TSEN15: variants seen among roughly 807,000 people sequenced by gnomAD.
TSEN15 encodes the protein tRNA splicing endonuclease subunit 15, also known as tRNA-splicing endonuclease subunit Sen15.
TSEN15 carries 10 observed loss-of-function variants against 20.5 expected under a neutral mutation model. The ratio of observed to expected loss-of-function variants is 0.49; its 90% CI spans 0.30 to 0.83. The LOEUF is 0.83. TSEN15 is among the 40% of genes least tolerant of loss of function. TSEN15 has a pLI of 0.06. For missense variants in TSEN15, 180 were observed against 218.6 expected (o/e 0.82, Z 1.11); for synonymous variants, 72 against 80.1 (o/e 0.90, Z 0.54).
intron 3 of TSEN15, among the ~76,000 whole-genome samples, chr1:184,089,495 C>T (rs2102904395): frequency 6.6e-6 from 1 of 152,200 alleles, no homozygotes; most frequent in Middle Eastern, 3.4e-3. Context: ...GCATATTCCC[C>T]TGGCAGATTC....
chr1:184,059,133 C>CT (rs1468922354), intron 3 of TSEN15, among the ~76,000 whole-genome samples: 1 of 151,446 alleles, frequency 6.6e-6, no homozygotes, highest in Non-Finnish European at 1.5e-5. Flanking sequence ...ACTGCCTTCA[C>CT]TTATTTTGTA....
At chr1:184,095,353 T>A (rs568659625) in intron 3 of TSEN15, 4 of 386,384 alleles carry the variant, frequency 1.0e-5, no homozygotes, top group African/African-American at 6.2e-5. Context: ...ATGAGCTCTC[T>A]GTTTATTCAT....
chr1:184,076,198 C>G (rs1227420691), downstream of TSEN15, among the ~76,000 whole-genome samples: 3 of 151,992 alleles, frequency 2.0e-5, no homozygotes, highest in African/African-American at 7.2e-5. Flanking sequence ...TTGTCGATGC[C>G]ATTTTTCCAA....
At chr1:184,071,828 T>A (rs1650893997) in intron 3 of TSEN15, among the ~76,000 whole-genome samples, 1 of 152,002 alleles carries the variant, frequency 6.6e-6, no homozygotes, top group Admixed American at 6.6e-5. Flanking sequence ...AGGGCAGAGA[T>A]TGTCAGATTG....
chr1:184,051,962 C>A lies in TSEN15; in HGVS notation c.135+72C>A, dbSNP rs991669720. ...AGGCAGAACACTCCCAGGCAGCTCT[C>A]TTTCTTTCTTCCTCAGTGGGAGACT... On this transcript the variant is annotated intron_variant, in intron 1 of 4. Transcript: ENST00000645668. 1.4e-5 allele frequency: 19 copies of A among 1,326,778 alleles called. No homozygotes were observed. The Admixed American group carries it at 6.2e-4, about 43-fold the overall frequency. 82.2% of individuals were successfully genotyped at this position (1,326,778 alleles called of 1,614,324 possible).
At position 184,073,027 on chromosome 1, in the gene TSEN15, T is replaced by C; in HGVS notation, c.*180T>C. ...CCCAGGTAGAAGACTTTCTCCTTCT[T>C]AAAAAATATAGGGTGATTTCTTTAA... On this transcript the variant is annotated 3_prime_UTR_variant, in exon 5 of 5. Transcript: ENST00000645668. The C allele has an allele frequency of 1.7e-6, 1 of 593,764 alleles. No homozygotes were observed. Among genetic ancestry groups the C allele is most frequent in the South Asian group, 2.4e-5 (1 of 42,124 alleles). The allele number at this position is 593,764 out of a possible 1,614,324, so 36.8% of individuals were successfully genotyped here.
At chr1:184,092,456 T>A (rs1430585788) in intron 3 of TSEN15, among the ~76,000 whole-genome samples, 1 of 152,254 alleles carries the variant, frequency 6.6e-6, no homozygotes, top group Non-Finnish European at 1.5e-5. Flanking sequence ...GGAAGACAGT[T>A]AATGATTGAA....
intron 3 of TSEN15, among the ~76,000 whole-genome samples, chr1:184,066,157 A>G (rs1650648416): frequency 6.6e-6 from 1 of 152,070 alleles, no homozygotes; most frequent in African/African-American, 2.4e-5. Context: ...AATTTTTATG[A>G]AGGATATAAG....
intron 3 of TSEN15, among the ~76,000 whole-genome samples, chr1:184,058,927 T>C (rs546770904): frequency 6.6e-6 from 1 of 152,154 alleles, no homozygotes; most frequent in Non-Finnish European, 1.5e-5. Context: ...GTGACTCTTA[T>C]GTGTCAGGCA....
At chr1:184,087,700 G>A (rs377731070) in intron 3 of TSEN15, among the ~76,000 whole-genome samples, 2 of 152,196 alleles carry the variant, frequency 1.3e-5, no homozygotes, top group Non-Finnish European at 2.9e-5. Context: ...AGATAGAAAG[G>A]AGGTGGTTTG....
chr1:184,052,584 G>A (rs943637135), intron 1 of TSEN15, among the ~76,000 whole-genome samples: 4 of 151,934 alleles, frequency 2.6e-5, no homozygotes, highest in Non-Finnish European at 5.9e-5. Context: ...TAGTCTCTAC[G>A]GTACTTTAAC....
At position 184,072,577 on chromosome 1, in the gene TSEN15, A is replaced by T. The variant is rs910638610; in HGVS notation, c.496-250A>T. 1.8e-5 allele frequency: 10 copies of T among 564,464 alleles called. No homozygotes were observed. In the African/African-American group the frequency reaches 2.0e-4, roughly 11 times the overall value. 35.0% of individuals were successfully genotyped at this position (564,464 alleles called of 1,614,324 possible). ...TTATGAAGTCATCATGCATTTAATT[A>T]TTTAGTGAGTAGCTGAGGTGGAATG... On this transcript the variant is annotated intron_variant, in intron 4 of 4. Coordinates refer to ENST00000645668, the MANE Select transcript of TSEN15 (RefSeq NM_052965.4).
At chr1:184,067,941 A>AAAAT (rs1400681024) in intron 3 of TSEN15, among the ~76,000 whole-genome samples, 246 of 95,540 alleles carry the variant, frequency 2.6e-3, no homozygotes, top group East Asian at 6.4e-3. Context: ...AAAAAAAAAA[A>AAAAT]ATATATATAT....
At chr1:184,057,735 GTATT>G (rs1650299077) in intron 3 of TSEN15, among the ~76,000 whole-genome samples, 1 of 152,024 alleles carries the variant, frequency 6.6e-6, no homozygotes, top group African/African-American at 2.4e-5. Flanking sequence ...AGTATTTTTT[GTATT>G]TATTATTCAT....
chr1:184,072,306 T>C lies in TSEN15; in HGVS notation c.495+8T>C, dbSNP rs773357701. 4 of 1,591,350 alleles carry C rather than the reference T, an allele frequency of 2.5e-6. No homozygotes were observed. The highest frequency in any genetic ancestry group is 2.6e-6 in the Non-Finnish European group (3 of 1,170,780). ...ATGCTGCCAGACCCTCAGGTCAGTTTTGAGGTAACTGACAGCAAGAAGTAC... is the reference window on the plus strand; with the variant it reads ...ATGCTGCCAGACCCTCAGGTCAGTTCTGAGGTAACTGACAGCAAGAAGTAC... On this transcript the variant is annotated splice_region_variant and intron_variant, in intron 4 of 4. Transcript: ENST00000645668.
At chr1:184,070,010 A>G (rs551749554) in intron 3 of TSEN15, among the ~76,000 whole-genome samples, 181 of 152,180 alleles carry the variant, frequency 1.2e-3, no homozygotes, top group African/African-American at 4.2e-3. Context: ...ATTTCTCTCA[A>G]CTCTGAAAAC....
At chr1:184,064,546 AAAAC>A (rs375194362) in intron 3 of TSEN15, among the ~76,000 whole-genome samples, 127 of 152,208 alleles carry the variant, frequency 8.3e-4, no homozygotes, top group African/African-American at 2.5e-3. Flanking sequence ...AAAATATGAA[AAAAC>A]AAACAAACAA....
chr1:184,087,396 C>T (rs1428246645), intron 3 of TSEN15, among the ~76,000 whole-genome samples: 1 of 152,162 alleles, frequency 6.6e-6, no homozygotes, highest in Non-Finnish European at 1.5e-5. Flanking sequence ...TCAGGAGCCA[C>T]ATGTGGACAG....
At chr1:184,053,544 A>G (rs1241570734) in intron 1 of TSEN15, among the ~76,000 whole-genome samples, 1 of 152,194 alleles carries the variant, frequency 6.6e-6, no homozygotes, top group African/African-American at 2.4e-5. Context: ...AGCTGATGGG[A>G]GAATGTGACT....
Sources: allele counts gnomAD v4.1 joint callset (sites outside exome capture counted in the v4.1 genomes callset), GRCh38; gene constraint gnomAD v4.1.1; transcripts MANE v1.5; gene names NCBI Gene and HGNC (gene_info 2026-07-23, HGNC 2026-07-21).